METTL15: variants seen among roughly 807,000 people sequenced by gnomAD.
METTL15 encodes the protein methyltransferase 15, mitochondrial 12S rRNA N4-cytidine, also known as 12S rRNA N(4)-cytidine methyltransferase METTL15.
In METTL15, 34 loss-of-function variants were observed where a neutral mutation model predicts 38.3. The observed-to-expected ratio is 0.89, with a 90% confidence interval of 0.68 to 1.18. The LOEUF is 1.18. Ranked by LOEUF, METTL15 falls within the 50% of genes most tolerant of loss-of-function variation. The pLI is 0.00. For synonymous variants in METTL15, 162 were observed against 170.9 expected (o/e 0.95, Z 0.41); for missense variants, 438 against 498.4 (o/e 0.88, Z 1.15).
At position 28,110,300 on chromosome 11, in the gene METTL15, C is replaced by T. The variant is rs1166745235; in HGVS notation, c.-119C>T. ...TCTGTCCGTCCTTACAAGTTTCCCCCAGGGGCAGGACCTAGACGCGCGGCG... is the reference window on the plus strand; with the variant it reads ...TCTGTCCGTCCTTACAAGTTTCCCCTAGGGGCAGGACCTAGACGCGCGGCG... On this transcript the variant is annotated 5_prime_UTR_variant, in exon 2 of 7. Coordinates refer to ENST00000407364, the MANE Select transcript of METTL15 (RefSeq NM_001113528.2). 2 of 152,186 alleles carry T rather than the reference C, an allele frequency of 1.3e-5. No homozygotes were observed. Among genetic ancestry groups the T allele is most frequent in the Admixed American group, 6.5e-5 (1 of 15,284 alleles). 9.4% of individuals were successfully genotyped at this position (152,186 alleles called of 1,614,324 possible). A position where few individuals can be genotyped will look rare whatever the true frequency, so the allele number is the denominator to read the frequency against.
At chr11:28,530,922 T>C (rs1355338909), downstream of METTL15, among the ~76,000 whole-genome samples, 3 of 152,124 alleles carry the variant, frequency 2.0e-5, no homozygotes, top group East Asian at 5.8e-4. Flanking sequence ...CTGTACTACT[T>C]CTTGACAGGG....
chr11:28,144,045 G>A (rs1026218868), intron 3 of METTL15, among the ~76,000 whole-genome samples: 2 of 152,070 alleles, frequency 1.3e-5, no homozygotes, highest in African/African-American at 4.8e-5. Flanking sequence ...TTATTTAATT[G>A]CATGTGGTCC....
chr11:28,329,512 A>G (rs1365614795), intron 6 of METTL15, among the ~76,000 whole-genome samples: 1 of 152,144 alleles, frequency 6.6e-6, no homozygotes, highest in East Asian at 1.9e-4. Flanking sequence ...TCTGATAGGG[A>G]TTATATTAAA....
intron 4 of METTL15, among the ~76,000 whole-genome samples, chr11:28,221,082 T>C (rs1166653290): frequency 6.6e-6 from 1 of 152,158 alleles, no homozygotes; most frequent in Non-Finnish European, 1.5e-5. Context: ...GTGTTCTCTG[T>C]GTTTCCTGCA....
chr11:28,117,106 A>G (rs1851994702), intron 3 of METTL15, among the ~76,000 whole-genome samples: 2 of 152,224 alleles, frequency 1.3e-5, no homozygotes, highest in South Asian at 4.1e-4. Context: ...GTGCTTTAAA[A>G]AGATCCATAA....
chr11:28,109,794 C>G (rs1565097031), intron 1 of METTL15, among the ~76,000 whole-genome samples: 1 of 152,316 alleles, frequency 6.6e-6, no homozygotes, highest in East Asian at 1.9e-4. Context: ...CTTTAGATTT[C>G]AAATTCAGTG....
chr11:28,187,371 G>T (rs1042169961), intron 3 of METTL15, among the ~76,000 whole-genome samples: 1 of 150,884 alleles, frequency 6.6e-6, no homozygotes, highest in South Asian at 2.1e-4. Context: ...TTGTACATTG[G>T]TATACCATAT....
At chr11:28,250,755 T>C (rs991006603) in intron 4 of METTL15, among the ~76,000 whole-genome samples, 9 of 152,006 alleles carry the variant, frequency 5.9e-5, no homozygotes, top group Admixed American at 3.9e-4. Flanking sequence ...CAATTCTGTT[T>C]TTTACCTGCC....
At position 28,187,614 on chromosome 11, in the gene METTL15, T is replaced by G. The variant is rs182150197; in HGVS notation, c.271-23448T>G. Among the ~76,000 whole-genome samples the G allele has an allele frequency of 1.9e-3, 285 of 150,112 alleles. 1 individual carries two copies. Among genetic ancestry groups the G allele is most frequent in the African/African-American group, 6.8e-3 (278 of 41,140 alleles). On this transcript the variant is annotated intron_variant, in intron 3 of 6. Transcript: ENST00000407364. ...CCACATACTTGCAACACTAGACATATAGTATAATTTTATTTTGTTATCTTT... is the reference window on the plus strand; with the variant it reads ...CCACATACTTGCAACACTAGACATAGAGTATAATTTTATTTTGTTATCTTT...
chr11:28,452,442 A>T (rs1225643414), intron 6 of METTL15, among the ~76,000 whole-genome samples: 1 of 152,222 alleles, frequency 6.6e-6, no homozygotes, highest in East Asian at 1.9e-4. Flanking sequence ...GCTGTATCTT[A>T]ATTTATATAC....
intron 3 of METTL15, among the ~76,000 whole-genome samples, chr11:28,167,276 A>T (rs574846763): frequency 6.6e-6 from 1 of 152,284 alleles, no homozygotes; most frequent in Non-Finnish European, 1.5e-5. Flanking sequence ...CAGAAAAGGA[A>T]TTTATTGAAG....
intron 6 of METTL15, among the ~76,000 whole-genome samples, chr11:28,513,732 C>T (rs535205868): frequency 2.6e-5 from 4 of 152,230 alleles, no homozygotes; most frequent in South Asian, 2.1e-4. Flanking sequence ...AGGGATGGGC[C>T]GAAATAAAGG....
intron 4 of METTL15, among the ~76,000 whole-genome samples, chr11:28,232,115 A>T (rs909459485): frequency 6.6e-6 from 1 of 151,878 alleles, no homozygotes; most frequent in Non-Finnish European, 1.5e-5. Context: ...TCTTTAAAAT[A>T]TGTTATAAGT....
chr11:28,181,081 T>C (rs1851265240), intron 3 of METTL15, among the ~76,000 whole-genome samples: 1 of 151,550 alleles, frequency 6.6e-6, no homozygotes, highest in Non-Finnish European at 1.5e-5. Context: ...TAGAAAATAA[T>C]GAAAAGTCAA....
intron 6 of METTL15, among the ~76,000 whole-genome samples, chr11:28,308,676 T>C (rs1239634372): frequency 6.6e-6 from 1 of 152,192 alleles, no homozygotes; most frequent in African/African-American, 2.4e-5. Context: ...TTTTTAGTAA[T>C]TTTTTGTTGA....
intron 6 of METTL15, among the ~76,000 whole-genome samples, chr11:28,425,911 A>C (rs963298240): frequency 6.6e-6 from 1 of 152,120 alleles, no homozygotes; most frequent in African/African-American, 2.4e-5. Context: ...CAGCTTCACT[A>C]TTTGCACAAT....
chr11:28,292,822 T>A (rs1204345073), intron 5 of METTL15, among the ~76,000 whole-genome samples: 2 of 152,226 alleles, frequency 1.3e-5, no homozygotes, highest in African/African-American at 4.8e-5. Context: ...ATGATGAGCA[T>A]TTTTTCATGT....
At chr11:28,436,519 G>A (rs1304991053) in intron 6 of METTL15, among the ~76,000 whole-genome samples, 2 of 151,758 alleles carry the variant, frequency 1.3e-5, no homozygotes, top group Admixed American at 1.3e-4. Context: ...GGTTGCCTTG[G>A]TTGGGAAATT....
At chr11:28,231,781 T>G (rs1051891979) in intron 4 of METTL15, among the ~76,000 whole-genome samples, 28 of 151,914 alleles carry the variant, frequency 1.8e-4, no homozygotes, top group African/African-American at 6.8e-4. Context: ...ACTTCCAATT[T>G]GATTTAAATT....
Sources: allele counts gnomAD v4.1 joint callset (sites outside exome capture counted in the v4.1 genomes callset), GRCh38; gene constraint gnomAD v4.1.1; transcripts MANE v1.5; gene names NCBI Gene and HGNC (gene_info 2026-07-23, HGNC 2026-07-21).